SLC38A6: variants seen among roughly 807,000 people sequenced by gnomAD.
SLC38A6 encodes N system amino acid transporter NAT-1.
A neutral mutation model predicts 65.0 loss-of-function variants in SLC38A6; 73 were observed. That is an observed-to-expected ratio of 1.12 (90% confidence interval 0.93 to 1.37). The LOEUF is 1.37. SLC38A6 is among the 40% of genes most tolerant of loss of function. SLC38A6 has a pLI of 0.00. For missense variants in SLC38A6, 561 were observed against 531.1 expected (o/e 1.06, Z -0.55); for synonymous variants, 183 against 178.8 (o/e 1.02, Z -0.19).
intron 16 of SLC38A6, chr14:61,083,415 C>G: frequency 2.3e-6 from 3 of 1,313,766 alleles, no homozygotes; most frequent in Non-Finnish European, 3.0e-6. Flanking sequence ...GTTCCAACCC[C>G]AAATTCGTAG....
At chr14:61,069,679 G>A (rs924758584) in intron 15 of SLC38A6, among the ~76,000 whole-genome samples, 1 of 151,940 alleles carries the variant, frequency 6.6e-6, no homozygotes, top group East Asian at 1.9e-4. Context: ...TTATCTGTAT[G>A]ATTATTTTGG....
chr14:61,000,974 T>C (rs2038671140), intron 3 of SLC38A6, among the ~76,000 whole-genome samples: 1 of 152,248 alleles, frequency 6.6e-6, no homozygotes, highest in African/African-American at 2.4e-5. Context: ...TGTGTTTTTC[T>C]TCTTTTGATC....
intron 9 of SLC38A6, 67 bp downstream of exon 9, chr14:61,043,279 A>G: frequency 8.5e-7 from 1 of 1,179,740 alleles, no homozygotes; most frequent in South Asian, 1.5e-5. Context: ...AGAAAGACTA[A>G]TGATTCTTTT....
chr14:60,986,453 T>G (rs571714266), intron 3 of SLC38A6, among the ~76,000 whole-genome samples: 1 of 152,346 alleles, frequency 6.6e-6, no homozygotes, highest in Non-Finnish European at 1.5e-5. Context: ...AAATCTAGTT[T>G]AGGATTCATA....
intron 3 of SLC38A6, among the ~76,000 whole-genome samples, chr14:60,989,446 A>C (rs765153264): frequency 6.6e-6 from 1 of 152,190 alleles, no homozygotes; most frequent in African/African-American, 2.4e-5. Flanking sequence ...AAACCAGGCC[A>C]GGTGTGGTGT....
intron 15 of SLC38A6, among the ~76,000 whole-genome samples, chr14:61,065,608 A>T (rs1384279491): frequency 6.6e-6 from 1 of 152,254 alleles, no homozygotes; most frequent in Non-Finnish European, 1.5e-5. Context: ...TTCTTTCTCA[A>T]TGTGTCCTTT....
At chr14:60,996,935 A>T (rs1194448702) in intron 3 of SLC38A6, among the ~76,000 whole-genome samples, 1 of 152,348 alleles carries the variant, frequency 6.6e-6, no homozygotes, top group Admixed American at 6.5e-5. Flanking sequence ...TGACATTTTC[A>T]TATATACAAG....
At position 61,018,761 on chromosome 14, in the gene SLC38A6, A is replaced by G. The variant is rs138116990; in HGVS notation, c.364-780A>G. Among the ~76,000 whole-genome samples the G allele has an allele frequency of 1.6e-3, 249 of 152,330 alleles. 2 individuals are homozygous for G. The highest frequency in any genetic ancestry group is 2.9e-3 in the Non-Finnish European group (194 of 68,026). On this transcript the variant is annotated intron_variant, in intron 4 of 15. Coordinates refer to ENST00000267488, the MANE Select transcript of SLC38A6 (RefSeq NM_153811.3). ...TGAATTTAGTCCTCAGGCACATTTT[A>G]TATGGCTCAAATATTTTTTATTTTT... is the stretch of plus-strand genomic sequence containing the variant.
chr14:61,045,835 G>A (rs28391032), intron 11 of SLC38A6, among the ~76,000 whole-genome samples: 59 of 150,032 alleles, frequency 3.9e-4, no homozygotes, highest in African/African-American at 1.0e-3. Flanking sequence ...ACAGTGAGCC[G>A]AGATCACACT....
In SLC38A6 at chr14:61,043,169, T is replaced by C; in HGVS notation, c.647T>C (p.Ile216Thr). ...ALVVIIKKWS[I>T]PCPLTLNYVE... is the part of the protein sequence containing the mutation. ...TAGGTAATAATTAAAAAATGGTCCA[T>C]CCCTTGTCCTCTGACATTAAATTAT... The change falls in exon 9 of 16, where the codon ATC becomes ACC. Residue 216 changes from isoleucine (I) to threonine (T), a missense_variant. Transcript: ENST00000267488. The C allele has an allele frequency of 6.5e-7, 1 of 1,540,736 alleles. No homozygotes were observed. The highest frequency in any genetic ancestry group is 1.2e-5 in the South Asian group (1 of 84,414).
At chr14:61,037,387 G>A (rs138171727) in intron 7 of SLC38A6, among the ~76,000 whole-genome samples, 28 of 152,124 alleles carry the variant, frequency 1.8e-4, no homozygotes, top group African/African-American at 4.3e-4. Context: ...TCTTTACAGC[G>A]GAACATTAAA....
At chr14:61,019,516 T>C (rs2040227027) in intron 4 of SLC38A6, 25 bp from the exon 5 acceptor site, 1 of 1,611,228 alleles carries the variant, frequency 6.2e-7, no homozygotes, top group African/African-American at 1.3e-5. Flanking sequence ...CCTTCTATCT[T>C]CTGAATATTT....
chr14:61,011,067 G>T (rs1044422207), intron 3 of SLC38A6, among the ~76,000 whole-genome samples: 12 of 152,008 alleles, frequency 7.9e-5, no homozygotes, highest in Non-Finnish European at 1.6e-4. Context: ...ATTGAGCAGT[G>T]GTTTGTAGTT....
intron 3 of SLC38A6, among the ~76,000 whole-genome samples, chr14:61,013,524 G>A (rs1031068815): frequency 1.1e-4 from 16 of 152,138 alleles, no homozygotes; most frequent in African/African-American, 3.9e-4. Flanking sequence ...GACTGGTACT[G>A]GTTGTTCCTT....
downstream of SLC38A6, among the ~76,000 whole-genome samples, chr14:61,054,139 C>G (rs2139881981): frequency 6.6e-6 from 1 of 152,164 alleles, no homozygotes; most frequent in Non-Finnish European, 1.5e-5. Context: ...GAGTCTTTTC[C>G]CCATTGCTTG....
At chr14:61,027,696 T>C (rs2040685458) in intron 5 of SLC38A6, among the ~76,000 whole-genome samples, 2 of 151,390 alleles carry the variant, frequency 1.3e-5, no homozygotes, top group South Asian at 2.1e-4. Flanking sequence ...TATTTGGTAA[T>C]CTTTTTGTTT....
rs142263164 is a variant in SLC38A6 at position 61,015,958 on chromosome 14, T to G, written c.363+2T>G. The G allele has an allele frequency of 6.2e-7, 1 of 1,604,702 alleles. No individual in the cohort carries two copies. The highest frequency in any genetic ancestry group is 8.5e-7 in the Non-Finnish European group (1 of 1,177,410). The stretch of plus-strand genomic sequence containing the variant: ...TTTGCATTTGGATTACCTGGAAAGG[T>G]AATTTTTTTTCCTCCTCATTGTGTC... On this transcript the variant is annotated splice_donor_variant, in intron 4 of 15. Coordinates refer to ENST00000267488, the MANE Select transcript of SLC38A6 (RefSeq NM_153811.3). LOFTEE classifies it high-confidence loss of function.
chr14:61,009,549 C>T (rs541415466), intron 3 of SLC38A6, among the ~76,000 whole-genome samples: 5 of 149,106 alleles, frequency 3.4e-5, no homozygotes, highest in Non-Finnish European at 6.0e-5. Flanking sequence ...CCCCACCCCA[C>T]AGCAGGGATG....
rs1343366695 is a variant in SLC38A6, at chr14:61,046,099, A to G, written c.857A>G (p.Asn286Ser). Residue 286 changes from asparagine to serine, a missense_variant, in exon 12 of 16, where the codon AAT becomes AGT. By Grantham distance (46) the Asn-to-Ser change is conservative. Transcript: ENST00000267488. ...AAGAAAAGAATGCAGAATGTTACCAATACAGCAATTGCTTTAAGTTTTCTC... is the reference window on the plus strand; with the variant it reads ...AAGAAAAGAATGCAGAATGTTACCAGTACAGCAATTGCTTTAAGTTTTCTC... ...PSKKRMQNVTNTAIALSFLIY... is the reference protein window; with the variant it reads ...PSKKRMQNVTSTAIALSFLIY... 1.2e-6 allele frequency: 2 copies of G among 1,611,648 alleles called. No homozygotes were observed. The highest frequency in any genetic ancestry group is 3.3e-5 in the Admixed American group (2 of 59,926).
Sources: gnomAD v4.1 joint callset for allele counts (sites outside exome capture counted in the v4.1 genomes callset) on GRCh38, gnomAD v4.1.1 for gene constraint, MANE v1.5 for transcripts, NCBI Gene and HGNC (gene_info 2026-07-23, HGNC 2026-07-21) for gene names.